PLA2G4D: variants seen among roughly 807,000 people sequenced by gnomAD.
The protein encoded by PLA2G4D is cytosolic phospholipase A2 delta.
In PLA2G4D, 80 loss-of-function variants were observed where a neutral mutation model predicts 94.4. The observed-to-expected ratio is 0.85, with a 90% CI of 0.71 to 1.02. The LOEUF (loss-of-function observed/expected upper bound fraction) is 1.02. Ranked by LOEUF, PLA2G4D falls within the 50% of genes least tolerant of loss-of-function variation. The pLI, the probability that PLA2G4D is intolerant of heterozygous loss-of-function variation, is 0.00. For synonymous variants in PLA2G4D, 438 were observed against 440.9 expected (o/e 0.99, Z 0.08); for missense variants, 1,050 against 1,034.7 (o/e 1.01, Z -0.20).
Position 42,086,194 on chromosome 15 carries a change from T to TTGGGGGGGGGCGC in PLA2G4D, c.387+18_387+19insGCGCCCCCCCCCA. The TTGGGGGGGGGCGC allele has an allele frequency of 2.2e-6, 3 of 1,370,442 alleles. No individual in the cohort carries two copies. Among genetic ancestry groups the TTGGGGGGGGGCGC allele is most frequent in the African/African-American group, 1.6e-5 (1 of 64,356 alleles). 84.9% of individuals were successfully genotyped at this position (1,370,442 alleles called of 1,614,324 possible). On this transcript the variant is annotated intron_variant, in intron 4 of 19. Transcript: ENST00000290472. ...GGAAGAAGTGGGGCCCACGGGGACT[T>TTGGGGGGGGGCGC]CCCCACCCACCCACCCACCTGGGGA...
In PLA2G4D at chr15:42,071,875, A is replaced by C; in HGVS notation, c.1472T>G (p.Leu491Arg). ...VEFSPYEVGF[L>R]KYGAFVPPEL... Reference sequence around the variant, plus strand: ...AGGAGGGACGAAGGCCCCGTACTTCAGGAAACCGACCTCATAGGGGGAGAA... The same window carrying C: ...AGGAGGGACGAAGGCCCCGTACTTCCGGAAACCGACCTCATAGGGGGAGAA... Residue 491 changes from leucine (L) to arginine (R), a missense_variant, in exon 15 of 20, where the codon CTG (leucine) becomes CGG (arginine). Physicochemically the swap from Leu to Arg is moderately radical, Grantham distance 102. Transcript: ENST00000290472. 1 of 1,614,170 alleles carries C rather than the reference A, an allele frequency of 6.2e-7. No individual in the cohort carries two copies. The highest frequency in any genetic ancestry group is 8.5e-7 in the Non-Finnish European group (1 of 1,179,998).
chr15:42,071,934 C>T (rs978119451), intron 14 of PLA2G4D, 23 bp from the exon 15 acceptor site: 3 of 1,612,208 alleles, frequency 1.9e-6, no homozygotes, highest in Non-Finnish European at 2.5e-6. Context: ...GAAGGAGAGG[C>T]AGGAGTGTGA....
chr15:42,071,753 C>G (rs773023510), intron 15 of PLA2G4D, 21 bp downstream of exon 15: 1 of 1,613,580 alleles, frequency 6.2e-7, no homozygotes, highest in Non-Finnish European at 8.5e-7. Context: ...TGCCCAGGGC[C>G]TTCAGAGCCA....
chr15:42,080,171 G>A (rs1490642628), intron 12 of PLA2G4D, among the ~76,000 whole-genome samples: 3 of 152,060 alleles, frequency 2.0e-5, no homozygotes, highest in African/African-American at 4.8e-5. Context: ...CATTTCAAAT[G>A]GTCAATAAAC....
Position 42,083,768 on chromosome 15 carries a change from C to T in PLA2G4D, c.483G>A (p.Leu161=). Reference sequence around the variant, plus strand: ...TGTCCAGATGCACATCCAGGCATGACAGCTCTCGGGCCTGGGGAAGACCAC... The same window carrying T: ...TGTCCAGATGCACATCCAGGCATGATAGCTCTCGGGCCTGGGGAAGACCAC... ...ITNKVIVARE[L]SCLDVHLDST... Residue 161 remains leucine (L), a synonymous_variant, in exon 7 of 20, where the codon CTG becomes CTA. Transcript: ENST00000290472. 6.2e-7 allele frequency: 1 copy of T among 1,613,862 alleles called. No individual in the cohort carries two copies. The highest frequency in any genetic ancestry group is 8.5e-7 in the Non-Finnish European group (1 of 1,180,006).
intron 7 of PLA2G4D, 44 bp from the exon 8 acceptor site, chr15:42,083,378 A>G: frequency 1.3e-6 from 2 of 1,584,626 alleles, no homozygotes; most frequent in Non-Finnish European, 1.7e-6. Context: ...AAGAGCCCGG[A>G]ACCCCAGCTC....
rs767685181 is a variant in PLA2G4D, at chr15:42,068,712, A to C, written c.*3T>G. The C allele has an allele frequency of 6.2e-7, 1 of 1,600,990 alleles. No homozygotes were observed. The highest frequency in any genetic ancestry group is 8.5e-7 in the Non-Finnish European group (1 of 1,173,668). Reference sequence around the variant, plus strand: ...TGGAGGGTCCTGCAGCCTCTGAGCAACCTCAGGTCTGTGCCCTTGGAGGCC... The same window carrying C: ...TGGAGGGTCCTGCAGCCTCTGAGCACCCTCAGGTCTGTGCCCTTGGAGGCC... On this transcript the variant is annotated 3_prime_UTR_variant, in exon 20 of 20. Transcript: ENST00000290472.
In PLA2G4D at chr15:42,084,034, C is replaced by T. The variant is rs951334610; in HGVS notation, c.472-255G>A. The T allele has an allele frequency of 4.3e-5, 22 of 514,706 alleles. No homozygotes were observed. The highest frequency in any genetic ancestry group is 3.1e-4 in the African/African-American group (16 of 52,318). The allele number at this position is 514,706 out of a possible 1,614,324, so 31.9% of individuals were successfully genotyped here. Reference sequence around the variant, plus strand: ...AGCTCCCCTGGCTTTGCCAAACTCCCGAAACCTCCTAGAGCGCCCAGCCCT... The same window carrying T: ...AGCTCCCCTGGCTTTGCCAAACTCCTGAAACCTCCTAGAGCGCCCAGCCCT... On this transcript the variant is annotated intron_variant, in intron 6 of 19. Coordinates refer to ENST00000290472, the MANE Select transcript of PLA2G4D (RefSeq NM_178034.4). The surrounding 1 kb of genome is among the most constrained non-coding windows in gnomAD (Gnocchi z 4.8).
chr15:42,079,547 A>G lies in PLA2G4D; in HGVS notation c.1307T>C (p.Leu436Pro). 1 of 1,604,134 alleles carries G rather than the reference A, an allele frequency of 6.2e-7. No homozygotes were observed. Among genetic ancestry groups the G allele is most frequent in the Non-Finnish European group, 8.5e-7 (1 of 1,177,816 alleles). The part of the protein sequence containing the change: ...DLWALVLESM[L>P]HGQVMDQKLS... Reference sequence around the variant, plus strand: ...GCGCAGGCGCCCTACCTGGCCGTGCAGCATGGACTCCAGCACTAGCGCCCA... The same window carrying G: ...GCGCAGGCGCCCTACCTGGCCGTGCGGCATGGACTCCAGCACTAGCGCCCA... Residue 436 changes from leucine to proline, a missense_variant, in exon 13 of 20, where the codon CTG becomes CCG. Leu to Pro is a moderately conservative substitution (Grantham distance 98, BLOSUM62 -3). Coordinates refer to ENST00000290472, the MANE Select transcript of PLA2G4D (RefSeq NM_178034.4).
chr15:42,086,654 C>T (rs573527278), intron 3 of PLA2G4D, among the ~76,000 whole-genome samples: 2 of 152,076 alleles, frequency 1.3e-5, no homozygotes, highest in South Asian at 4.2e-4. Context: ...AGTTCGAGAC[C>T]AGCCTGGCCA....
At chr15:42,081,266 G>C (rs1890032352) in intron 11 of PLA2G4D, 133 bp from the exon 12 acceptor site, 2 of 1,463,734 alleles carry the variant, frequency 1.4e-6, no homozygotes, top group Non-Finnish European at 1.8e-6. Context: ...GTCAGGGTTA[G>C]AGCTGGGTCC....
chr15:42,083,503 C>G (rs947245757), intron 7 of PLA2G4D, among the ~76,000 whole-genome samples, 169 bp from the exon 8 acceptor site: 1 of 152,184 alleles, frequency 6.6e-6, no homozygotes, highest in Non-Finnish European at 1.5e-5. Context: ...CACAACCCCC[C>G]ATCCCGGACT....
Position 42,068,808 on chromosome 15 carries a change from G to A in PLA2G4D, c.2364C>T (p.Asn788=), listed in dbSNP as rs573716409. Reference sequence around the variant, plus strand: ...GGATGGCACCCTGGCTGGTCTGCACGTTGTAGTCACTGAGCCGCAGCAGGC... The same window carrying A: ...GGATGGCACCCTGGCTGGTCTGCACATTGTAGTCACTGAGCCGCAGCAGGC... ...FERLLRLSDY[N]VQTSQGAILQ... The change falls in exon 20 of 20, where the codon AAC becomes AAT. Residue 788 remains asparagine, a synonymous_variant. Transcript: ENST00000290472. 2.2e-5 allele frequency: 36 copies of A among 1,613,764 alleles called. No homozygotes were observed. Among genetic ancestry groups the A allele is most frequent in the East Asian group, 8.9e-5 (4 of 44,882 alleles).
At chr15:42,073,796 C>G (rs377556625) in intron 13 of PLA2G4D, among the ~76,000 whole-genome samples, 1 of 152,160 alleles carries the variant, frequency 6.6e-6, no homozygotes, top group African/African-American at 2.4e-5. Flanking sequence ...TCCTACCCAG[C>G]CTACCCAAGG....
chr15:42,068,543 C>T lies in PLA2G4D; in HGVS notation c.*172G>A, dbSNP rs570542415. 1.7e-5 allele frequency: 11 copies of T among 630,434 alleles called. No homozygotes were observed. Among genetic ancestry groups the T allele is most frequent in the South Asian group, 9.9e-5 (5 of 50,750 alleles). The allele number at this position is 630,434 out of a possible 1,614,324, so 39.1% of individuals were successfully genotyped here. A position where few individuals can be genotyped will look rare whatever the true frequency, so the allele number is the denominator to read the frequency against. ...CAACTCATCTCAAGCCAGCCATGAA[C>T]GTAAGAGAGAAGTCTGTGTGTGCAG... On this transcript the variant is annotated 3_prime_UTR_variant, in exon 20 of 20. Transcript: ENST00000290472.
rs1370576391 is a variant in PLA2G4D at position 42,068,774 on chromosome 15, G to A, written c.2398C>T (p.Leu800=). The A allele has an allele frequency of 6.2e-7, 1 of 1,613,118 alleles. No individual in the cohort carries two copies. Among genetic ancestry groups the A allele is most frequent in the Non-Finnish European group, 8.5e-7 (1 of 1,179,578 alleles). ...QTSQGAILQA[L]RTALKHRTLE... is the part of the protein sequence containing the mutation. ...GTCCGGTGCTTCAGCGCGGTCCTCA[G>A]GGCCTGCAGGATGGCACCCTGGCTG... Residue 800 remains leucine, a synonymous_variant, in exon 20 of 20, where the codon CTG becomes TTG. Transcript: ENST00000290472.
chr15:42,068,419 A>G lies in PLA2G4D; in HGVS notation c.*296T>C. 1 of 379,358 alleles carries G rather than the reference A, an allele frequency of 2.6e-6. No homozygotes were observed. The highest frequency in any genetic ancestry group is 4.9e-6 in the Non-Finnish European group (1 of 205,198). 23.5% of individuals were successfully genotyped at this position (379,358 alleles called of 1,614,324 possible). A position where few individuals can be genotyped will look rare whatever the true frequency, so the allele number is the denominator to read the frequency against. Reference sequence around the variant, plus strand: ...TCCTGATCTGCTGCCTCCGGCTTGCACTTCAAATCTATCCTGCTCAGGCAT... The same window carrying G: ...TCCTGATCTGCTGCCTCCGGCTTGCGCTTCAAATCTATCCTGCTCAGGCAT... On this transcript the variant is annotated 3_prime_UTR_variant, in exon 20 of 20. Coordinates refer to ENST00000290472, the MANE Select transcript of PLA2G4D (RefSeq NM_178034.4).
At position 42,070,105 on chromosome 15, in the gene PLA2G4D, A is replaced by T. The variant is rs1455247727; in HGVS notation, c.2044-10T>A. 2.0e-6 allele frequency: 3 copies of T among 1,487,016 alleles called. No homozygotes were observed. The highest frequency in any genetic ancestry group is 1.4e-5 in the African/African-American group (1 of 68,988). 92.1% of individuals were successfully genotyped at this position (1,487,016 alleles called of 1,614,324 possible). On this transcript the variant is annotated splice_polypyrimidine_tract_variant and intron_variant, in intron 18 of 19. Transcript: ENST00000290472. Reference sequence around the variant, plus strand: ...CCGTCTGCTGCAGTGCCTGGTGGGGAGAAGGTGGCCCGGAGAGAACCAGCC... The same window carrying T: ...CCGTCTGCTGCAGTGCCTGGTGGGGTGAAGGTGGCCCGGAGAGAACCAGCC...
chr15:42,070,178 A>G, intron 18 of PLA2G4D, 83 bp from the exon 19 acceptor site: 2 of 1,286,968 alleles, frequency 1.6e-6, no homozygotes, highest in South Asian at 1.6e-5. Context: ...CAGCTGCTTC[A>G]GTGTCAAGAC....
Sources: gnomAD v4.1 joint callset for allele counts (sites outside exome capture counted in the v4.1 genomes callset) on GRCh38, gnomAD v4.1.1 for gene constraint, Gnocchi (gnomAD v3.1) non-coding constraint, MANE v1.5 for transcripts, NCBI Gene and HGNC (gene_info 2026-07-23, HGNC 2026-07-21) for gene names.